The following TSPAN7 variants were observed in gnomAD, a reference collection of about 807,000 sequenced individuals.
The protein encoded by TSPAN7 is tetraspanin 7, also known as tetraspanin-7.
A neutral mutation model predicts 17.6 loss-of-function variants in TSPAN7; 1 was observed. The observed-to-expected ratio is 0.06, with a 90% CI of 0.02 to 0.27. The LOEUF (loss-of-function observed/expected upper bound fraction) is 0.27. Among genes scored for constraint, TSPAN7 ranks in the 10% least tolerant of loss-of-function variants. The pLI is 1.00. For synonymous variants in TSPAN7, 78 were observed against 79.0 expected (o/e 0.99, Z 0.07); for missense variants, 112 against 201.7 (o/e 0.56, Z 2.69).
At chrX:38,671,987 G>A (rs1473247755) in intron 3 of TSPAN7, among the ~76,000 whole-genome samples, 3 of 111,593 alleles carry the variant, frequency 2.7e-5, no homozygotes, top group Non-Finnish European at 5.6e-5. Flanking sequence ...GGTCGAGGCT[G>A]CAGTGAGCTA....
intron 1 of TSPAN7, chrX:38,566,264 C>T: frequency 1.1e-5 from 9 of 787,956 alleles, no homozygotes; most frequent in Non-Finnish European, 1.5e-5. Context: ...AATAATATCA[C>T]CTGAATGCTG....
At chrX:38,602,207 C>T (rs999969321) in intron 1 of TSPAN7, among the ~76,000 whole-genome samples, 2 of 111,777 alleles carry the variant, frequency 1.8e-5, no homozygotes, top group South Asian at 7.4e-4. Context: ...CAAGTTTCTG[C>T]AGTAGTATGA....
chrX:38,579,731 G>A (rs935966857), intron 1 of TSPAN7, among the ~76,000 whole-genome samples: 2 of 111,146 alleles, frequency 1.8e-5, no homozygotes, highest in African/African-American at 3.3e-5. Flanking sequence ...AGAACGATAT[G>A]ATAATTTTCT....
intron 5 of TSPAN7, 22 bp downstream of exon 5, chrX:38,675,882 A>G: frequency 1.7e-6 from 2 of 1,208,965 alleles, no homozygotes; most frequent in Non-Finnish European, 2.2e-6. Flanking sequence ...CTCCTGGCCC[A>G]GATGGGACCA....
chrX:38,645,340 A>G, intron 1 of TSPAN7, among the ~76,000 whole-genome samples: 1 of 112,134 alleles, frequency 8.9e-6, no homozygotes, highest in Non-Finnish European at 1.9e-5. Context: ...CCTGCAAACA[A>G]AGGAGTTGAC....
intron 3 of TSPAN7, among the ~76,000 whole-genome samples, chrX:38,673,643 G>A (rs1363900506): frequency 1.8e-5 from 2 of 110,867 alleles, no homozygotes; most frequent in Non-Finnish European, 3.8e-5. Context: ...AAAGCACTGG[G>A]ATTACAGGCA....
intron 2 of TSPAN7, among the ~76,000 whole-genome samples, chrX:38,668,941 T>A (rs1230449977): frequency 1.8e-5 from 2 of 110,975 alleles, no homozygotes; most frequent in Admixed American, 9.6e-5. Context: ...CATTTATTTT[T>A]TTTTTTGTCT....
In TSPAN7 at chrX:38,618,617, A is replaced by T. The variant is rs562648819; in HGVS notation, c.82-47504A>T. On this transcript the variant is annotated intron_variant, in intron 1 of 7. Transcript: ENST00000378482. ...CTCAAACTGTCTGGCTTCTCAGACTATACCTCTAGTCGCTGAGCTACCTTG... is the reference window on the plus strand; with the variant it reads ...CTCAAACTGTCTGGCTTCTCAGACTTTACCTCTAGTCGCTGAGCTACCTTG... 1.3e-4 allele frequency among the ~76,000 whole-genome samples: 15 copies of T among 112,017 alleles called. No homozygotes were observed. In the South Asian group the frequency reaches 5.6e-3, roughly 42 times the overall value.
At chrX:38,623,480 A>G (rs748444809) in intron 1 of TSPAN7, among the ~76,000 whole-genome samples, 3 of 108,976 alleles carry the variant, frequency 2.8e-5, no homozygotes, top group Non-Finnish European at 5.7e-5. Flanking sequence ...CGTCCTTTAC[A>G]AGTTCTTGTT....
At chrX:38,648,490 C>T (rs2069657489) in intron 1 of TSPAN7, among the ~76,000 whole-genome samples, 1 of 112,275 alleles carries the variant, frequency 8.9e-6, no homozygotes, top group African/African-American at 3.2e-5. Flanking sequence ...TGCTCTGTTG[C>T]CCAGGCTGGA....
chrX:38,623,095 C>T (rs2069498387), intron 1 of TSPAN7: 1 of 328,565 alleles, frequency 3.0e-6, no homozygotes, highest in African/African-American at 2.7e-5. Flanking sequence ...TGAAGCTAAC[C>T]CTTCTCACCT....
chrX:38,565,148 A>C (rs1305984458), intron 1 of TSPAN7, among the ~76,000 whole-genome samples: 1 of 112,194 alleles, frequency 8.9e-6, no homozygotes, highest in Non-Finnish European at 1.9e-5. Flanking sequence ...TCTGGCACAT[A>C]GTAGGTACTC....
chrX:38,646,239 T>C (rs73198486), intron 1 of TSPAN7: 106,528 of 1,142,786 alleles, frequency 0.093, 3,854 homozygotes, highest in East Asian at 0.24. Context: ...TATAATATCT[T>C]TTGTATTACA....
chrX:38,675,753 T>A lies in TSPAN7; in HGVS notation c.490T>A (p.Tyr164Asn). ...CTACACCAACTGGAGCACCAGCCCC[T>A]ACTTCCTGGAGCATGGCATCCCCCC... Reference protein sequence around the residue: ...QNYTNWSTSPYFLEHGIPPSC... With the variant: ...QNYTNWSTSPNFLEHGIPPSC... Residue 164 changes from tyrosine to asparagine, a missense_variant, in exon 5 of 8, where the codon TAC (tyrosine) becomes AAC (asparagine). Physicochemically the swap from Tyr to Asn is moderately radical, Grantham distance 143 (BLOSUM62 -2). Coordinates refer to ENST00000378482, the MANE Select transcript of TSPAN7 (RefSeq NM_004615.4). The A allele has an allele frequency of 8.3e-7, 1 of 1,211,271 alleles. No individual in the cohort carries two copies. The highest frequency in any genetic ancestry group is 1.1e-6 in the Non-Finnish European group (1 of 895,372).
At chrX:38,658,461 CA>C (rs1201497077) in intron 1 of TSPAN7, among the ~76,000 whole-genome samples, 1 of 111,133 alleles carries the variant, frequency 9.0e-6, no homozygotes, top group Non-Finnish European at 1.9e-5. Context: ...ATTATAGGCA[CA>C]AGCCACTGTG....
intron 1 of TSPAN7, among the ~76,000 whole-genome samples, chrX:38,647,114 T>TA (rs2069649356): frequency 1.8e-5 from 2 of 112,277 alleles, no homozygotes; most frequent in South Asian, 3.7e-4. Context: ...ATGCATACTT[T>TA]AAAAAAATTA....
chrX:38,638,483 C>T (rs909928059), intron 1 of TSPAN7, among the ~76,000 whole-genome samples: 4 of 112,051 alleles, frequency 3.6e-5, no homozygotes, highest in African/African-American at 9.8e-5. Context: ...TATATGTGTA[C>T]GTATATGGAT....
chrX:38,648,931 A>G (rs1001300098), intron 1 of TSPAN7, among the ~76,000 whole-genome samples: 1 of 110,947 alleles, frequency 9.0e-6, no homozygotes, highest in Non-Finnish European at 1.9e-5. Context: ...AAAAAAAAAA[A>G]AAAGAAGTAA....
intron 1 of TSPAN7, among the ~76,000 whole-genome samples, chrX:38,575,243 G>A (rs1304788869): frequency 9.0e-6 from 1 of 111,312 alleles, no homozygotes; most frequent in Non-Finnish European, 1.9e-5. Context: ...TGCTTTGATC[G>A]AAGCTTTGCA....
Sources: gnomAD v4.1 joint callset for allele counts (sites outside exome capture counted in the v4.1 genomes callset) on GRCh38, gnomAD v4.1.1 for gene constraint, MANE v1.5 for transcripts, NCBI Gene and HGNC (gene_info 2026-07-23, HGNC 2026-07-21) for gene names.